PLPP4: variants seen among roughly 807,000 people sequenced by gnomAD.
The protein encoded by PLPP4 is phospholipid phosphatase 4.
A neutral mutation model predicts 32.2 loss-of-function variants in PLPP4; 20 were observed. The ratio of observed to expected loss-of-function variants is 0.62; its 90% CI spans 0.44 to 0.90. The LOEUF is 0.90. Among genes scored for constraint, PLPP4 ranks in the 40% least tolerant of loss-of-function variants. The probability of loss-of-function intolerance (pLI) is 0.00; values close to 1 mark genes in which losing one functional copy is unlikely to be tolerated. For synonymous variants in PLPP4, 127 were observed against 133.0 expected (o/e 0.95, Z 0.31); for missense variants, 257 against 353.1 (o/e 0.73, Z 2.18).
At chr10:120,517,152 C>T (rs573965849) in intron 3 of PLPP4, among the ~76,000 whole-genome samples, 3 of 152,192 alleles carry the variant, frequency 2.0e-5, no homozygotes, top group South Asian at 4.2e-4. Flanking sequence ...TTACATGGGG[C>T]GATAGGGAAT....
Position 120,589,457 on chromosome 10 carries a change from C to G in PLPP4, c.771C>G (p.Ser257Arg), listed in dbSNP as rs1047369. The change falls in exon 7 of 7, where the codon AGC becomes AGG. Residue 257 changes from serine (S) to arginine (R), a missense_variant. Ser to Arg is a moderately radical substitution (Grantham distance 110, BLOSUM62 -1). Coordinates refer to ENST00000398250, the MANE Select transcript of PLPP4 (RefSeq NM_001030059.3). Reference protein sequence around the residue: ...LKKEERPTADSAPSLPLEGIT... With the variant: ...LKKEERPTADRAPSLPLEGIT... The stretch of plus-strand genomic sequence containing the variant: ...AAGAGGAGAGGCCCACAGCTGACAG[C>G]GCACCCAGCTTGCCTCTGGAGGGGA... 6.2e-6 allele frequency: 10 copies of G among 1,613,888 alleles called. No individual in the cohort carries two copies. Among genetic ancestry groups the G allele is most frequent in the Non-Finnish European group, 8.5e-6 (10 of 1,179,994 alleles).
intron 5 of PLPP4, among the ~76,000 whole-genome samples, chr10:120,542,861 A>G (rs780195343): frequency 2.6e-5 from 4 of 152,102 alleles, no homozygotes; most frequent in South Asian, 2.1e-4. Flanking sequence ...TCATCTTCCA[A>G]AATTATTCTG....
chr10:120,543,132 A>G (rs1277569300), intron 5 of PLPP4, among the ~76,000 whole-genome samples: 1 of 152,150 alleles, frequency 6.6e-6, no homozygotes, highest in East Asian at 1.9e-4. Context: ...CTCTGCCAGC[A>G]CTTGAGACCT....
At chr10:120,504,025 C>A in intron 2 of PLPP4, 99 bp downstream of exon 2, 1 of 810,550 alleles carries the variant, frequency 1.2e-6, no homozygotes, top group Non-Finnish European at 2.0e-6. Flanking sequence ...CAGTGGGTGG[C>A]CTGAGAGAAA....
intron 1 of PLPP4, among the ~76,000 whole-genome samples, chr10:120,461,588 T>C (rs1848050462): frequency 6.6e-6 from 1 of 152,188 alleles, no homozygotes; most frequent in Admixed American, 6.5e-5. Context: ...TCCCCTTAGA[T>C]AATCCAGCAT....
chr10:120,566,860 C>T (rs973513271), intron 5 of PLPP4, among the ~76,000 whole-genome samples: 10 of 152,132 alleles, frequency 6.6e-5, no homozygotes, highest in African/African-American at 2.4e-4. Flanking sequence ...TGGCCTTTTC[C>T]TACTTAAGCA....
At chr10:120,527,558 A>G (rs1462683757) in intron 5 of PLPP4, among the ~76,000 whole-genome samples, 1 of 152,222 alleles carries the variant, frequency 6.6e-6, no homozygotes, top group Non-Finnish European at 1.5e-5. Flanking sequence ...ACTGGCCACC[A>G]TAGTCTAGCC....
chr10:120,591,579 A>C lies in PLPP4; in HGVS notation c.*2077A>C, dbSNP rs1849994459. On this transcript the variant is annotated 3_prime_UTR_variant, in exon 7 of 7. Coordinates refer to ENST00000398250, the MANE Select transcript of PLPP4 (RefSeq NM_001030059.3). ...TCTATAATTTTCAAAAATAAAGCCC[A>C]AAATAGAAATGTAGGAAAAAGATCC... Among the ~76,000 whole-genome samples, 1 of 151,676 alleles carries C rather than the reference A, an allele frequency of 6.6e-6. No homozygotes were observed. Among genetic ancestry groups the C allele is most frequent in the African/African-American group, 2.4e-5 (1 of 41,268 alleles).
Position 120,503,657 on chromosome 10 carries a change from G to A in PLPP4, c.57-161G>A, listed in dbSNP as rs878891875. On this transcript the variant is annotated intron_variant, in intron 1 of 6. Transcript: ENST00000398250. ...CAGTGATTCTTTCAGTCCTTCCCAA[G>A]CCTTTGAACCAGCTGAGAACTGACA... The A allele has an allele frequency of 3.1e-6, 5 of 1,597,996 alleles. No individual in the cohort carries two copies. The South Asian group carries it at 5.6e-5, about 18-fold the overall frequency.
rs1414554513 is a variant in PLPP4 at position 120,589,534 on chromosome 10, T to C, written c.*32T>C. 3.9e-6 allele frequency: 6 copies of C among 1,534,578 alleles called. No individual in the cohort carries two copies. Among genetic ancestry groups the C allele is most frequent in the Non-Finnish European group, 5.4e-6 (6 of 1,111,816 alleles). On this transcript the variant is annotated 3_prime_UTR_variant, in exon 7 of 7. Transcript: ENST00000398250. Reference sequence around the variant, plus strand: ...TCCTGGGAGGATGGACACTAAGCCCTGGGCACATCTGCCACCCTGACATCA... The same window carrying C: ...TCCTGGGAGGATGGACACTAAGCCCCGGGCACATCTGCCACCCTGACATCA...
At chr10:120,567,811 C>T (rs1344346279) in intron 5 of PLPP4, among the ~76,000 whole-genome samples, 1 of 152,172 alleles carries the variant, frequency 6.6e-6, no homozygotes, top group Non-Finnish European at 1.5e-5. Flanking sequence ...TCACAGTTCT[C>T]ATATAAACAT....
At chr10:120,588,104 C>G (rs902521080) in intron 6 of PLPP4, among the ~76,000 whole-genome samples, 1 of 152,198 alleles carries the variant, frequency 6.6e-6, no homozygotes, top group Non-Finnish European at 1.5e-5. Context: ...GCTGATCCTG[C>G]CTGCCTATGG....
intron 2 of PLPP4, among the ~76,000 whole-genome samples, chr10:120,511,024 G>A (rs1845704875): frequency 6.6e-6 from 1 of 152,196 alleles, no homozygotes; most frequent in African/African-American, 2.4e-5. Context: ...CCTTGATATG[G>A]GGAGCCTTGG....
intron 1 of PLPP4, among the ~76,000 whole-genome samples, chr10:120,494,994 ATG>A (rs1320097123): frequency 6.6e-6 from 1 of 152,068 alleles, no homozygotes; most frequent in Non-Finnish European, 1.5e-5. Context: ...GAAAGCATGT[ATG>A]TGTGTGTTGT....
At chr10:120,575,041 G>A (rs1849148950) in intron 5 of PLPP4, 90 bp from the exon 6 acceptor site, 5 of 1,404,272 alleles carry the variant, frequency 3.6e-6, no homozygotes, top group Non-Finnish European at 4.9e-6. Flanking sequence ...CCTTGGGGGT[G>A]TGCAAGACGG....
intron 1 of PLPP4, among the ~76,000 whole-genome samples, chr10:120,495,300 A>G (rs1036675700): frequency 6.6e-6 from 1 of 152,202 alleles, no homozygotes; most frequent in Non-Finnish European, 1.5e-5. Context: ...GGGATAGCCA[A>G]CTACTCCAAT....
chr10:120,547,693 T>G (rs1393432766), intron 5 of PLPP4, among the ~76,000 whole-genome samples: 1 of 152,172 alleles, frequency 6.6e-6, no homozygotes, highest in Non-Finnish European at 1.5e-5. Flanking sequence ...CACCATACCT[T>G]TCCAAAGGTT....
intron 1 of PLPP4, among the ~76,000 whole-genome samples, chr10:120,498,654 C>CTTT (rs11287636): frequency 2.1e-5 from 3 of 143,408 alleles, no homozygotes; most frequent in Non-Finnish European, 3.0e-5. Context: ...CTCTTCTATT[C>CTTT]TTTTTTTTTT....
chr10:120,479,943 G>A (rs1433640240), intron 1 of PLPP4, among the ~76,000 whole-genome samples: 1 of 152,212 alleles, frequency 6.6e-6, no homozygotes, highest in African/African-American at 2.4e-5. Context: ...AAAGGCTATG[G>A]ATGGTATGCT....
Sources: gnomAD v4.1 joint callset for allele counts (sites outside exome capture counted in the v4.1 genomes callset) on GRCh38, gnomAD v4.1.1 for gene constraint, MANE v1.5 for transcripts, NCBI Gene and HGNC (gene_info 2026-07-23, HGNC 2026-07-21) for gene names.